RGL1: variants seen among roughly 807,000 people sequenced by gnomAD.
RGL1 encodes ral guanine nucleotide dissociation stimulator like 1.
RGL1 carries 24 observed loss-of-function variants against 95.2 expected under a neutral mutation model. The observed-to-expected ratio is 0.25, with a 90% CI of 0.18 to 0.35. The LOEUF (loss-of-function observed/expected upper bound fraction) is 0.35, where lower values mean the gene tolerates loss of function less well. RGL1 is among the 10% of genes least tolerant of loss of function. The pLI is 1.00. For missense variants in RGL1, 715 were observed against 936.3 expected (o/e 0.76, Z 3.08); for synonymous variants, 329 against 344.9 (o/e 0.95, Z 0.51).
chr1:183,922,500 A>C (rs1306611008), intron 17 of RGL1, among the ~76,000 whole-genome samples, 164 bp downstream of exon 17: 1 of 152,152 alleles, frequency 6.6e-6, no homozygotes, highest in Admixed American at 6.5e-5. Context: ...CCATCACCTC[A>C]CTTGTGGAAT....
At chr1:183,689,296 G>A (rs1393146230) in intron 1 of RGL1, among the ~76,000 whole-genome samples, 1 of 152,082 alleles carries the variant, frequency 6.6e-6, no homozygotes, top group Non-Finnish European at 1.5e-5. Context: ...AACTGAATTG[G>A]CCTTACTGAA....
chr1:183,688,689 G>A (rs954026219), intron 1 of RGL1, among the ~76,000 whole-genome samples: 3 of 152,062 alleles, frequency 2.0e-5, no homozygotes, highest in African/African-American at 7.2e-5. Context: ...TAAAAGGCAG[G>A]AAAACAGTAT....
intron 2 of RGL1, among the ~76,000 whole-genome samples, chr1:183,768,461 C>CTTTTTTTT (rs71130639): frequency 6.0e-5 from 5 of 83,848 alleles, no homozygotes; most frequent in Non-Finnish European, 8.8e-5. Context: ...CTTTAGATAA[C>CTTTTTTTT]TTTTTTTTTT....
At chr1:183,880,549 T>C in intron 4 of RGL1, 67 bp from the exon 5 acceptor site, 4 of 1,478,196 alleles carry the variant, frequency 2.7e-6, no homozygotes, top group Non-Finnish European at 3.7e-6. Context: ...TCCACCCTGG[T>C]GTCCAGGGAT....
intron 9 of RGL1, among the ~76,000 whole-genome samples, chr1:183,896,702 C>G (rs1667721629): frequency 6.6e-6 from 1 of 152,158 alleles, no homozygotes; most frequent in South Asian, 2.1e-4. Flanking sequence ...TCATGCAGTT[C>G]CTGGAAAATG....
chr1:183,871,253 A>G (rs980404952), intron 4 of RGL1, among the ~76,000 whole-genome samples: 2 of 152,218 alleles, frequency 1.3e-5, no homozygotes. Flanking sequence ...TTTGTTTGTT[A>G]TTAGTCATGA....
intron 2 of RGL1, among the ~76,000 whole-genome samples, chr1:183,843,338 C>A (rs1051879783): frequency 6.6e-6 from 1 of 152,192 alleles, no homozygotes; most frequent in Non-Finnish European, 1.5e-5. Flanking sequence ...CAGATGCAAA[C>A]CCTGAGGAAC....
intron 2 of RGL1, among the ~76,000 whole-genome samples, chr1:183,806,739 T>C (rs1661371767): frequency 6.6e-6 from 1 of 152,114 alleles, no homozygotes; most frequent in Non-Finnish European, 1.5e-5. Context: ...GGCAAATAGA[T>C]TGGGGGTGGA....
chr1:183,827,003 A>G (rs552824293), intron 2 of RGL1, among the ~76,000 whole-genome samples: 15 of 151,920 alleles, frequency 9.9e-5, no homozygotes, highest in Admixed American at 8.5e-4. Context: ...GCTCACTACA[A>G]CCTCCGCCTC....
At chr1:183,666,797 T>A (rs1020655360) in intron 1 of RGL1, among the ~76,000 whole-genome samples, 1 of 151,956 alleles carries the variant, frequency 6.6e-6, no homozygotes, top group Non-Finnish European at 1.5e-5. Context: ...GGTAAGTGTT[T>A]CCTGTTAGCT....
chr1:183,852,264 G>A (rs1179630913), intron 3 of RGL1, among the ~76,000 whole-genome samples: 1 of 152,050 alleles, frequency 6.6e-6, no homozygotes, highest in Non-Finnish European at 1.5e-5. Flanking sequence ...TTTTTATTCT[G>A]CTATAATATG....
chr1:183,717,456 T>C (rs927672286), intron 1 of RGL1, among the ~76,000 whole-genome samples: 3 of 152,266 alleles, frequency 2.0e-5, no homozygotes, highest in African/African-American at 7.2e-5. Flanking sequence ...GAAAAGTATA[T>C]GTATTTATGT....
In RGL1 at chr1:183,926,204, T is replaced by C; in HGVS notation, c.2219T>C (p.Val740Ala). The C allele has an allele frequency of 4.3e-6, 7 of 1,614,028 alleles. No homozygotes were observed. Among genetic ancestry groups the C allele is most frequent in the Non-Finnish European group, 5.9e-6 (7 of 1,179,956 alleles). ...LRKKNSMEEQ[V>A]KLRSRTSLTL... ...AAAAAGAACTCCATGGAAGAACAAG[T>C]GAAACTGCGTAGCCGGACCAGCTTG... The change falls in exon 18 of 18, where the codon GTG (valine) becomes GCG (alanine). Residue 740 changes from valine to alanine, a missense_variant. Val to Ala is a moderately conservative substitution (Grantham distance 64). Coordinates refer to ENST00000360851, the MANE Select transcript of RGL1 (RefSeq NM_001297671.3).
rs116663561 is a variant in RGL1 at position 183,903,226 on chromosome 1, A to G, written c.1350+626A>G. Among the ~76,000 whole-genome samples, 469 of 152,246 alleles carry G rather than the reference A, an allele frequency of 3.1e-3. 5 individuals are homozygous for G. Among genetic ancestry groups the G allele is most frequent in the African/African-American group, 0.011 (446 of 41,550 alleles). ...AAATGACATAGAAGAGTTAATAAAG[A>G]TGGTAAACTCTCGTGGGTATACTCG... On this transcript the variant is annotated intron_variant, in intron 12 of 17. Coordinates refer to ENST00000360851, the MANE Select transcript of RGL1 (RefSeq NM_001297671.3).
intron 1 of RGL1, among the ~76,000 whole-genome samples, chr1:183,687,803 T>C (rs148894059): frequency 3.9e-4 from 59 of 152,294 alleles, no homozygotes; most frequent in African/African-American, 1.3e-3. Context: ...GGCCAATGAA[T>C]AAATTTTTAA....
chr1:183,919,229 TG>T (rs1669174396), intron 16 of RGL1, among the ~76,000 whole-genome samples: 3 of 152,366 alleles, frequency 2.0e-5, no homozygotes, highest in Admixed American at 2.0e-4. Flanking sequence ...GTGAGAAGTG[TG>T]GCATTGTTTT....
chr1:183,749,561 T>C (rs1443106669), intron 2 of RGL1, among the ~76,000 whole-genome samples: 1 of 152,210 alleles, frequency 6.6e-6, no homozygotes. Flanking sequence ...TCCATTTACA[T>C]TTAAGGTTAA....
At chr1:183,713,335 A>G (rs867381058) in intron 1 of RGL1, among the ~76,000 whole-genome samples, 15 of 146,786 alleles carry the variant, frequency 1.0e-4, no homozygotes, top group Non-Finnish European at 7.4e-5. Context: ...GAGGATTTTA[A>G]AAGGAGTTGT....
At chr1:183,669,099 T>C (rs887839774) in intron 1 of RGL1, among the ~76,000 whole-genome samples, 2 of 152,008 alleles carry the variant, frequency 1.3e-5, no homozygotes, top group Admixed American at 6.6e-5. Flanking sequence ...TGTGCCACCA[T>C]GCCCGGCTAA....
Sources: gnomAD v4.1 joint callset for allele counts (sites outside exome capture counted in the v4.1 genomes callset) on GRCh38, gnomAD v4.1.1 for gene constraint, MANE v1.5 for transcripts, NCBI Gene and HGNC (gene_info 2026-07-23, HGNC 2026-07-21) for gene names.